Variants in ZBTB20 observed in about 807,000 individuals in gnomAD.
ZBTB20 encodes the protein zinc finger and BTB domain-containing protein 20.
Under a neutral mutation model 56.9 loss-of-function variants are expected in ZBTB20, and 9 were observed. The observed-to-expected ratio is 0.16, with a 90% CI of 0.10 to 0.28. The LOEUF (loss-of-function observed/expected upper bound fraction) is 0.28. ZBTB20 is among the 10% of genes least tolerant of loss of function. The pLI is 1.00. For missense variants in ZBTB20, 655 were observed against 1,003.0 expected, an observed-to-expected ratio of 0.65 and a Z score of 4.69; for synonymous variants, 417 against 420.7, an observed-to-expected ratio of 0.99 and a Z score of 0.11.
At chr3:114,374,291 G>A (rs2083363271) in intron 10 of ZBTB20, among the ~76,000 whole-genome samples, 1 of 152,130 alleles carries the variant, frequency 6.6e-6, no homozygotes, top group Non-Finnish European at 1.5e-5. Flanking sequence ...ATTCCTTACA[G>A]AACATAGAAT....
At chr3:114,552,078 G>A (rs1217907110) in intron 6 of ZBTB20, among the ~76,000 whole-genome samples, 1 of 152,170 alleles carries the variant, frequency 6.6e-6, no homozygotes, top group Non-Finnish European at 1.5e-5. Context: ...ATTTGGGCAT[G>A]GTTGCTCATG....
intron 5 of ZBTB20, among the ~76,000 whole-genome samples, chr3:114,790,921 G>A (rs922565444): frequency 6.6e-6 from 1 of 151,992 alleles, no homozygotes; most frequent in Non-Finnish European, 1.5e-5. Context: ...AGTAGCAACA[G>A]AAGACTTCCC....
chr3:114,567,614 T>A (rs1437861851), intron 6 of ZBTB20, among the ~76,000 whole-genome samples: 1 of 152,168 alleles, frequency 6.6e-6, no homozygotes, highest in South Asian at 2.1e-4. Context: ...ATTCTAAAAG[T>A]GAATATGCCT....
chr3:114,432,756 T>G (rs984036911), intron 7 of ZBTB20, among the ~76,000 whole-genome samples: 6 of 152,200 alleles, frequency 3.9e-5, no homozygotes, highest in African/African-American at 1.2e-4. Flanking sequence ...TCCTGTGACC[T>G]AACACCAAGA....
At chr3:114,694,051 A>G (rs923135520) in intron 5 of ZBTB20, among the ~76,000 whole-genome samples, 7 of 152,038 alleles carry the variant, frequency 4.6e-5, no homozygotes, top group African/African-American at 1.7e-4. Context: ...ATATTGTGGC[A>G]ATGGTGGGAG....
intron 2 of ZBTB20, among the ~76,000 whole-genome samples, chr3:115,024,443 T>A (rs1333248482): frequency 6.6e-6 from 1 of 151,022 alleles, no homozygotes; most frequent in East Asian, 1.9e-4. Context: ...TCTACGTTAT[T>A]CCTTGGATTT....
chr3:114,766,345 A>G lies in ZBTB20; in HGVS notation c.-343+34756T>C, dbSNP rs1274230. On this transcript the variant is annotated intron_variant, in intron 5 of 11. Transcript: ENST00000675478. ...GGTAAGAAAGACAAGAAACAGTAAC[A>G]TTCCCATATTTAAACAAGAAGTTGA... is the stretch of plus-strand genomic sequence containing the variant. 6.3e-3 allele frequency among the ~76,000 whole-genome samples: 966 copies of G among 152,216 alleles called. 12 individuals are homozygous for G. The highest frequency in any genetic ancestry group is 0.022 in the African/African-American group (934 of 41,528).
intron 6 of ZBTB20, among the ~76,000 whole-genome samples, chr3:114,615,905 T>C (rs2057905145): frequency 6.6e-6 from 1 of 152,256 alleles, no homozygotes; most frequent in Non-Finnish European, 1.5e-5. Flanking sequence ...ATAGAACCCC[T>C]AAATGAAATT....
chr3:114,604,562 C>T (rs2057000844), intron 6 of ZBTB20, among the ~76,000 whole-genome samples: 1 of 151,784 alleles, frequency 6.6e-6, no homozygotes, highest in African/African-American at 2.4e-5. Context: ...GAAAGATAAT[C>T]TCATATTAAA....
At chr3:114,876,767 C>T (rs1304065958) in intron 4 of ZBTB20, among the ~76,000 whole-genome samples, 2 of 152,144 alleles carry the variant, frequency 1.3e-5, no homozygotes, top group African/African-American at 4.8e-5. Flanking sequence ...CATAGCCAAC[C>T]ATCTGTTCCT....
intron 7 of ZBTB20, among the ~76,000 whole-genome samples, chr3:114,426,723 G>C (rs912613350): frequency 6.6e-6 from 1 of 152,150 alleles, no homozygotes; most frequent in African/African-American, 2.4e-5. Flanking sequence ...ACTTATGCCA[G>C]AGAGATTTCC....
intron 2 of ZBTB20, among the ~76,000 whole-genome samples, chr3:114,976,451 C>T (rs1255466435): frequency 1.3e-5 from 2 of 152,038 alleles, no homozygotes; most frequent in African/African-American, 4.8e-5. Context: ...CATGGCGAAA[C>T]CCCATCTCTA....
intron 10 of ZBTB20, among the ~76,000 whole-genome samples, chr3:114,361,366 T>TAGAGTTTAC (rs2081861509): frequency 6.6e-6 from 1 of 152,224 alleles, no homozygotes; most frequent in Non-Finnish European, 1.5e-5. Context: ...CTGTGAAGCC[T>TAGAGTTTAC]TCTGTGATTA....
chr3:114,636,413 T>C (rs1227261132), intron 6 of ZBTB20, among the ~76,000 whole-genome samples: 1 of 152,092 alleles, frequency 6.6e-6, no homozygotes, highest in Non-Finnish European at 1.5e-5. Flanking sequence ...CTAATGATAG[T>C]GTGTAAATCA....
At chr3:114,704,372 T>TTATA (rs896548133) in intron 5 of ZBTB20, among the ~76,000 whole-genome samples, 1 of 150,316 alleles carries the variant, frequency 6.7e-6, no homozygotes, top group Non-Finnish European at 1.5e-5. Context: ...AGACATATAT[T>TTATA]TATATATATA....
intron 3 of ZBTB20, among the ~76,000 whole-genome samples, chr3:114,916,052 T>C (rs2075731712): frequency 6.6e-6 from 1 of 152,094 alleles, no homozygotes. Flanking sequence ...GTTATGTAAA[T>C]ATGTATTAGG....
chr3:114,948,515 T>A (rs1442093225), intron 3 of ZBTB20, among the ~76,000 whole-genome samples: 5 of 146,016 alleles, frequency 3.4e-5, no homozygotes, highest in Non-Finnish European at 7.4e-5. Flanking sequence ...GACTGTGTTA[T>A]AAAAAATTCA....
intron 3 of ZBTB20, among the ~76,000 whole-genome samples, chr3:114,941,235 G>A (rs1489963505): frequency 1.4e-5 from 2 of 145,804 alleles, no homozygotes; most frequent in Non-Finnish European, 2.9e-5. Context: ...TTTTTACCTT[G>A]GGAAAAGATT....
chr3:114,824,046 A>G (rs2073391877), intron 4 of ZBTB20, among the ~76,000 whole-genome samples: 1 of 152,022 alleles, frequency 6.6e-6, no homozygotes, highest in African/African-American at 2.4e-5. Flanking sequence ...CATTTTTGTG[A>G]AATTCCACTG....
Sources: allele counts gnomAD v4.1 joint callset (sites outside exome capture counted in the v4.1 genomes callset), GRCh38; gene constraint gnomAD v4.1.1; transcripts MANE v1.5; gene names NCBI Gene and HGNC (gene_info 2026-07-23, HGNC 2026-07-21).